Variants in NTRK1 observed in about 807,000 individuals in gnomAD.
NTRK1 encodes neurotrophic receptor tyrosine kinase 1, also known as high affinity nerve growth factor receptor.
Under a neutral mutation model 86.8 loss-of-function variants are expected in NTRK1, and 62 were observed. The ratio of observed to expected loss-of-function variants is 0.71; its 90% CI spans 0.58 to 0.88. The LOEUF (loss-of-function observed/expected upper bound fraction) is 0.88. Ranked by LOEUF, NTRK1 falls within the 40% of genes least tolerant of loss-of-function variation. The pLI, the probability that NTRK1 is intolerant of heterozygous loss-of-function variation, is 0.00. For missense variants in NTRK1, 967 were observed against 1,078.4 expected (o/e 0.90, Z 1.45); for synonymous variants, 469 against 456.6 (o/e 1.03, Z -0.35).
At chr1:156,862,985 G>T (rs1293490073) in intron 1 of NTRK1, among the ~76,000 whole-genome samples, 3 of 152,002 alleles carry the variant, frequency 2.0e-5, no homozygotes, top group African/African-American at 7.3e-5. Context: ...GGCTGGTCCT[G>T]GTTCCTATAA....
intron 2 of NTRK1, chr1:156,851,990 C>G (rs1478318927): frequency 6.2e-7 from 1 of 1,611,078 alleles, no homozygotes. Context: ...CAGGCTGGCA[C>G]AGCGCTCAGC....
At chr1:156,880,704 G>C (rs990225597) in intron 16 of NTRK1, among the ~76,000 whole-genome samples, 1 of 152,184 alleles carries the variant, frequency 6.6e-6, no homozygotes, top group African/African-American at 2.4e-5. Flanking sequence ...TCTGCTCCCC[G>C]GAGGCTGGTG....
intron 2 of NTRK1, chr1:156,844,757 G>C (rs1654929651): frequency 1.2e-6 from 2 of 1,614,158 alleles, no homozygotes; most frequent in Middle Eastern, 1.6e-4. Context: ...AGTCCGTTGG[G>C]GTCTGGTGGC....
chr1:156,876,571 C>G lies in NTRK1; in HGVS notation c.1804C>G (p.Arg602Gly). Residue 602 changes from arginine (R) to glycine (G), a missense_variant and splice_region_variant, in exon 14 of 17, where the codon CGA becomes GGA. Arg to Gly is a moderately radical substitution (Grantham distance 125, BLOSUM62 -2). Around this residue, in one of 2 missense-constraint regions of NTRK1, gnomAD observed 637 missense variants for 776.5 expected, o/e 0.82. Coordinates refer to ENST00000524377, the MANE Select transcript of NTRK1 (RefSeq NM_002529.4). Reference sequence around the variant, plus strand: ...GCACGGGGACCTCAACCGCTTCCTCCGGTACCAGCACCTGGCCTCAGCGCT... The same window carrying G: ...GCACGGGGACCTCAACCGCTTCCTCGGGTACCAGCACCTGGCCTCAGCGCT... ...MRHGDLNRFLRSHGPDAKLLA... is the reference protein window; with the variant it reads ...MRHGDLNRFLGSHGPDAKLLA... The G allele has an allele frequency of 1.9e-6, 3 of 1,611,250 alleles. No homozygotes were observed. The highest frequency in any genetic ancestry group is 2.5e-6 in the Non-Finnish European group (3 of 1,179,328).
At chr1:156,870,593 A>C (rs1453900261) in intron 6 of NTRK1, among the ~76,000 whole-genome samples, 1 of 152,182 alleles carries the variant, frequency 6.6e-6, no homozygotes, top group African/African-American at 2.4e-5. Flanking sequence ...AAAAGGCTGG[A>C]AACTCTACTG....
intron 1 of NTRK1, among the ~76,000 whole-genome samples, chr1:156,820,799 T>C (rs1316768257): frequency 6.6e-6 from 1 of 152,202 alleles, no homozygotes; most frequent in Non-Finnish European, 1.5e-5. Context: ...ATTTTAGGAT[T>C]GTTTTTTATA....
At chr1:156,827,685 C>T (rs1281910668) in intron 1 of NTRK1, among the ~76,000 whole-genome samples, 3 of 152,082 alleles carry the variant, frequency 2.0e-5, no homozygotes, top group African/African-American at 7.2e-5. Flanking sequence ...GCACGAGCCA[C>T]TCTGCCTGGC....
Position 156,868,537 on chromosome 1 carries a change from G to A in NTRK1, c.607G>A (p.Ala203Thr), listed in dbSNP as rs1228967598. The change falls in exon 6 of 17, where the codon GCC becomes ACC. Residue 203 changes from alanine (A) to threonine (T), a missense_variant. Coordinates refer to ENST00000524377, the MANE Select transcript of NTRK1 (RefSeq NM_002529.4). ...CACGCTGAAGGTCCAGGTGCCCAATGCCTCGGTGGATGTGGGGGACGACGT... is the reference window on the plus strand; with the variant it reads ...CACGCTGAAGGTCCAGGTGCCCAATACCTCGGTGGATGTGGGGGACGACGT... Reference protein sequence around the residue: ...VPTLKVQVPNASVDVGDDVLL... With the variant: ...VPTLKVQVPNTSVDVGDDVLL... The A allele has an allele frequency of 1.3e-6, 2 of 1,559,098 alleles. No individual in the cohort carries two copies.
intron 10 of NTRK1, 125 bp from the exon 11 acceptor site, chr1:156,874,781 G>A (rs1410189604): frequency 8.5e-7 from 1 of 1,176,994 alleles, no homozygotes. Context: ...GTCCCCAGGG[G>A]AGGATGAGGC....
At chr1:156,877,039 T>G (rs1286107065) in intron 14 of NTRK1, among the ~76,000 whole-genome samples, 1 of 152,190 alleles carries the variant, frequency 6.6e-6, no homozygotes, top group African/African-American at 2.4e-5. Flanking sequence ...TGTTTTAGAG[T>G]TGGGGTCTTG....
chr1:156,858,780 C>A, upstream of NTRK1: 1 of 628,266 alleles, frequency 1.6e-6, no homozygotes, highest in South Asian at 1.9e-5. Context: ...CAGCAGGAGA[C>A]AGAAAAAAAG....
chr1:156,869,065 T>C (rs1471525312), intron 6 of NTRK1, among the ~76,000 whole-genome samples: 2 of 149,534 alleles, frequency 1.3e-5, no homozygotes, highest in African/African-American at 4.9e-5. Context: ...CCTTCCTTCC[T>C]TCCTTCCTTC....
At position 156,868,144 on chromosome 1, in the gene NTRK1, C is replaced by A. The variant is rs141629165; in HGVS notation, c.469C>A (p.Arg157Ser). Reference protein sequence around the residue: ...GNPLHCSCALRWLQRWEEEGL... With the variant: ...GNPLHCSCALSWLQRWEEEGL... ...CCCTCTGCACTGTTCTTGTGCCCTG[C>A]GCTGGCTACAGCGCTGGGAGGAGGA... is the stretch of plus-strand genomic sequence containing the variant. The change falls in exon 5 of 17, where the codon CGC (arginine) becomes AGC (serine). Residue 157 changes from arginine to serine, a missense_variant. Transcript: ENST00000524377. The A allele has an allele frequency of 1.2e-6, 2 of 1,613,776 alleles. No individual in the cohort carries two copies. The highest frequency in any genetic ancestry group is 2.2e-5 in the East Asian group (1 of 44,888).
chr1:156,866,328 C>A (rs1655926214), intron 3 of NTRK1, among the ~76,000 whole-genome samples: 1 of 152,218 alleles, frequency 6.6e-6, no homozygotes, highest in South Asian at 2.1e-4. Flanking sequence ...GAGCCGGGCC[C>A]CTGCTGGGCT....
chr1:156,875,072 C>G (rs17425863), intron 11 of NTRK1, 64 bp downstream of exon 11: 76 of 1,180,930 alleles, frequency 6.4e-5, no homozygotes, highest in Admixed American at 1.3e-4. Flanking sequence ...CCTACTGGCT[C>G]TTCCTGACTC....
intron 1 of NTRK1, among the ~76,000 whole-genome samples, chr1:156,863,421 T>TCC (rs1355146229): frequency 6.6e-6 from 1 of 152,210 alleles, no homozygotes; most frequent in Non-Finnish European, 1.5e-5. Context: ...TGTCTCTCTC[T>TCC]CTCTCTCTCT....
chr1:156,879,988 G>A lies in NTRK1; in HGVS notation c.2047-11G>A, dbSNP rs79173278. On this transcript the variant is annotated splice_polypyrimidine_tract_variant and intron_variant, in intron 15 of 16. Transcript: ENST00000524377. ...CGCCCCTGGAATTGATGCAGTGTCC[G>A]CCCGTGGCAGGTGGGAGGCCGCACC... The A allele has an allele frequency of 3.3e-3, 5,400 of 1,612,242 alleles. 217 individuals are homozygous for A. In the East Asian group the frequency reaches 0.055, roughly 17 times the overall value.
chr1:156,868,063 GCCCT>G, intron 4 of NTRK1, 37 bp from the exon 5 acceptor site: 1 of 1,612,450 alleles, frequency 6.2e-7, no homozygotes, highest in South Asian at 1.1e-5. Context: ...GATCCCTCAG[GCCCT>G]TTCCTTGACT....
intron 7 of NTRK1, among the ~76,000 whole-genome samples, chr1:156,873,386 C>A (rs1002469633): frequency 6.6e-6 from 1 of 152,124 alleles, no homozygotes; most frequent in African/African-American, 2.4e-5. Context: ...TTATTTATGG[C>A]CCACCACTTA....
Sources: gnomAD v4.1 joint callset for allele counts (sites outside exome capture counted in the v4.1 genomes callset) on GRCh38, gnomAD v4.1.1 for gene constraint, gnomAD v4.1.1 regional missense constraint, MANE v1.5 for transcripts, NCBI Gene and HGNC (gene_info 2026-07-23, HGNC 2026-07-21) for gene names.